Variants in SPIDR observed in about 807,000 individuals in gnomAD.
SPIDR encodes the protein DNA repair-scaffolding protein.
In SPIDR, 93 loss-of-function variants were observed where a neutral mutation model predicts 104.6. The observed-to-expected ratio is 0.89, with a 90% CI of 0.75 to 1.06. SPIDR has a LOEUF of 1.06. Ranked by LOEUF, SPIDR falls within the 50% of genes least tolerant of loss-of-function variation. The pLI is 0.00. For missense variants in SPIDR, 1,154 were observed against 1,111.2 expected (o/e 1.04, Z -0.55); for synonymous variants, 431 against 416.9 (o/e 1.03, Z -0.41).
chr8:47,659,648 C>A (rs958461789), intron 10 of SPIDR: 8 of 815,142 alleles, frequency 9.8e-6, no homozygotes, highest in Non-Finnish European at 1.2e-5. Context: ...TCGCTCTGGC[C>A]CTTCTCGCCC....
chr8:47,710,962 G>A (rs2081795754), intron 14 of SPIDR, among the ~76,000 whole-genome samples: 1 of 151,432 alleles, frequency 6.6e-6, no homozygotes, highest in Non-Finnish European at 1.5e-5. Flanking sequence ...ATTTTTTGTA[G>A]AGATGGGGTC....
chr8:47,672,530 A>AATG (rs2075930169), intron 10 of SPIDR, among the ~76,000 whole-genome samples: 45 of 152,076 alleles, frequency 3.0e-4, no homozygotes, highest in Admixed American at 2.9e-3. Context: ...CATTTGTTAC[A>AATG]CCTACTCAGT....
At chr8:47,415,577 A>G (rs1368412027) in intron 7 of SPIDR, among the ~76,000 whole-genome samples, 5 of 152,162 alleles carry the variant, frequency 3.3e-5, no homozygotes, top group African/African-American at 1.2e-4. Context: ...TGGAGCCCTC[A>G]TGAAGGGAAT....
intron 8 of SPIDR, among the ~76,000 whole-genome samples, chr8:47,590,098 C>T (rs2060812450): frequency 6.6e-6 from 1 of 151,230 alleles, no homozygotes; most frequent in Non-Finnish European, 1.5e-5. Flanking sequence ...TGCTTGAACC[C>T]AGGTAGCGGA....
intron 5 of SPIDR, among the ~76,000 whole-genome samples, chr8:47,378,646 A>C (rs2058964121): frequency 6.6e-6 from 1 of 152,230 alleles, no homozygotes; most frequent in Non-Finnish European, 1.5e-5. Flanking sequence ...TAATTCATTT[A>C]ATCTTGTGTC....
intron 5 of SPIDR, among the ~76,000 whole-genome samples, chr8:47,371,597 A>C (rs1563769181): frequency 6.6e-6 from 1 of 151,508 alleles, no homozygotes; most frequent in African/African-American, 2.4e-5. Context: ...TGACCTACTC[A>C]CCTCCCAAAG....
intron 14 of SPIDR, among the ~76,000 whole-genome samples, chr8:47,703,517 G>A (rs571199458): frequency 6.6e-6 from 1 of 152,314 alleles, no homozygotes; most frequent in South Asian, 2.1e-4. Context: ...GGTTTTCATA[G>A]CAACTACTCA....
At chr8:47,599,271 T>C (rs2061981359) in intron 10 of SPIDR, 75 bp downstream of exon 10, 3 of 1,560,678 alleles carry the variant, frequency 1.9e-6, no homozygotes, top group Non-Finnish European at 2.6e-6. Flanking sequence ...GTGGAGCCTC[T>C]TCTCAGAGCA....
At chr8:47,504,611 A>C (rs1055997426) in intron 8 of SPIDR, among the ~76,000 whole-genome samples, 1 of 152,108 alleles carries the variant, frequency 6.6e-6, no homozygotes, top group Admixed American at 6.5e-5. Context: ...TAGTTTGATC[A>C]TCTGAAGCCT....
At chr8:47,514,530 T>G (rs2082828677) in intron 8 of SPIDR, among the ~76,000 whole-genome samples, 1 of 152,148 alleles carries the variant, frequency 6.6e-6, no homozygotes, top group Admixed American at 6.5e-5. Flanking sequence ...ATGGTAGAAA[T>G]CTAAAGAAAC....
chr8:47,556,384 G>T (rs371756771), intron 8 of SPIDR, among the ~76,000 whole-genome samples: 2 of 152,140 alleles, frequency 1.3e-5, no homozygotes, highest in South Asian at 2.1e-4. Flanking sequence ...TTAATCTGGG[G>T]CTCTACCTGC....
chr8:47,513,227 C>G (rs1215340052), intron 8 of SPIDR, among the ~76,000 whole-genome samples: 1 of 152,190 alleles, frequency 6.6e-6, no homozygotes, highest in African/African-American at 2.4e-5. Flanking sequence ...CATTACTGCT[C>G]AAACCAGATA....
chr8:47,708,401 T>G (rs917021961), intron 14 of SPIDR, among the ~76,000 whole-genome samples: 5 of 152,206 alleles, frequency 3.3e-5, no homozygotes, highest in Admixed American at 3.3e-4. Flanking sequence ...CACAGCAAAA[T>G]TGAGAGGAAG....
intron 12 of SPIDR, 106 bp downstream of exon 12, chr8:47,700,596 G>A (rs1435725285): frequency 9.0e-7 from 1 of 1,107,032 alleles, no homozygotes; most frequent in Non-Finnish European, 1.4e-6. Flanking sequence ...CCCTGCTCCA[G>A]TGGCAACAAG....
At chr8:47,501,611 T>A (rs1336560894) in intron 8 of SPIDR, among the ~76,000 whole-genome samples, 5 of 152,200 alleles carry the variant, frequency 3.3e-5, no homozygotes, top group African/African-American at 7.2e-5. Flanking sequence ...TGACTTCCTC[T>A]TTTCCTAATT....
intron 8 of SPIDR, among the ~76,000 whole-genome samples, chr8:47,523,739 G>A (rs2084544951): frequency 6.6e-6 from 1 of 152,148 alleles, no homozygotes; most frequent in African/African-American, 2.4e-5. Context: ...TTTTTTAGTG[G>A]TAATAACAGC....
At chr8:47,544,612 C>G (rs1241902691) in intron 8 of SPIDR, among the ~76,000 whole-genome samples, 1 of 152,154 alleles carries the variant, frequency 6.6e-6, no homozygotes, top group Non-Finnish European at 1.5e-5. Flanking sequence ...AGGACTTCTT[C>G]CCTTCAATGA....
rs2082131680 is a variant in SPIDR at position 47,713,340 on chromosome 8, G to T, written c.2189-149G>T. 12 of 1,115,278 alleles carry T rather than the reference G, an allele frequency of 1.1e-5. No individual in the cohort carries two copies. The Admixed American group carries it at 1.5e-4, about 14-fold the overall frequency. The allele number at this position is 1,115,278 out of a possible 1,614,324, so 69.1% of individuals were successfully genotyped here. ...AGCTTAGCTCATGGGGTTCAGGAGT[G>T]TGCACACACAATGAACGTGCTGCTG... is the stretch of plus-strand genomic sequence containing the variant. On this transcript the variant is annotated intron_variant, in intron 15 of 19. Coordinates refer to ENST00000297423, the MANE Select transcript of SPIDR (RefSeq NM_001080394.4).
At chr8:47,411,829 G>A (rs989745834) in intron 7 of SPIDR, among the ~76,000 whole-genome samples, 1 of 152,146 alleles carries the variant, frequency 6.6e-6, no homozygotes, top group Non-Finnish European at 1.5e-5. Flanking sequence ...ATTAATTTTT[G>A]TATAAGGTGT....
Sources: allele counts gnomAD v4.1 joint callset (sites outside exome capture counted in the v4.1 genomes callset), GRCh38; gene constraint gnomAD v4.1.1; transcripts MANE v1.5; gene names NCBI Gene and HGNC (gene_info 2026-07-23, HGNC 2026-07-21).